The following KANSL1L variants were observed in gnomAD, a reference collection of about 807,000 sequenced individuals.
KANSL1L encodes the protein KAT8 regulatory NSL complex subunit 1 like.
Under a neutral mutation model 108.6 loss-of-function variants are expected in KANSL1L, and 25 were observed. The observed-to-expected ratio is 0.23, with a 90% CI of 0.17 to 0.32. The LOEUF is 0.32. Among genes scored for constraint, KANSL1L ranks in the 10% least tolerant of loss-of-function variants. The pLI is 1.00. For synonymous variants in KANSL1L, 405 were observed against 395.1 expected, an observed-to-expected ratio of 1.03 and a Z score of -0.30; for missense variants, 1,137 against 1,125.7, an observed-to-expected ratio of 1.01 and a Z score of -0.14.
chr2:210,071,012 G>A (rs2094504015), intron 6 of KANSL1L, among the ~76,000 whole-genome samples: 11 of 151,870 alleles, frequency 7.2e-5, no homozygotes, highest in Admixed American at 7.2e-4. Flanking sequence ...ACCAAAATTA[G>A]CCGGGTGTGG....
intron 5 of KANSL1L, among the ~76,000 whole-genome samples, chr2:210,093,964 AAG>A (rs2094714373): frequency 6.6e-6 from 1 of 152,206 alleles, no homozygotes; most frequent in Non-Finnish European, 1.5e-5. Context: ...TTTGTCACAA[AAG>A]GACAAACACT....
At chr2:210,059,956 T>C (rs2094401600) in intron 6 of KANSL1L, among the ~76,000 whole-genome samples, 1 of 152,164 alleles carries the variant, frequency 6.6e-6, no homozygotes, top group Admixed American at 6.5e-5. Flanking sequence ...TTAGCCAGGT[T>C]GGTCTCGAAT....
chr2:210,047,438 G>A (rs905010618), intron 6 of KANSL1L, among the ~76,000 whole-genome samples: 1 of 152,054 alleles, frequency 6.6e-6, no homozygotes, highest in African/African-American at 2.4e-5. Context: ...CAAGACACTA[G>A]AACATGAATA....
intron 5 of KANSL1L, 99 bp downstream of exon 5, chr2:210,097,987 A>G (rs2094754306): frequency 1.0e-5 from 10 of 1,003,950 alleles, no homozygotes. Context: ...TAATGTACAA[A>G]AAAAGTAGCT....
chr2:210,080,493 C>A (rs1451011055), intron 5 of KANSL1L, among the ~76,000 whole-genome samples: 1 of 152,080 alleles, frequency 6.6e-6, no homozygotes, highest in Non-Finnish European at 1.5e-5. Context: ...GAGTCTGAAT[C>A]CAGCCTGGGC....
At position 210,022,672 on chromosome 2, in the gene KANSL1L, G is replaced by GTGAT; in HGVS notation, c.*273_*276dup. 2.6e-6 allele frequency: 1 copy of GTGAT among 386,940 alleles called. No homozygotes were observed. The highest frequency in any genetic ancestry group is 4.8e-6 in the Non-Finnish European group (1 of 209,970). 24.0% of individuals were successfully genotyped at this position (386,940 alleles called of 1,614,324 possible). On this transcript the variant is annotated 3_prime_UTR_variant, in exon 15 of 15. Transcript: ENST00000281772. Reference sequence around the variant, plus strand: ...ATAGTCTTAAAAATTACCCAGTAATGTGATTTGACATCAAGTTGCAGCAAT... The same window carrying GTGAT: ...ATAGTCTTAAAAATTACCCAGTAATGTGATTGATTTGACATCAAGTTGCAGCAAT...
At chr2:210,168,155 T>C (rs941602151) in intron 1 of KANSL1L, among the ~76,000 whole-genome samples, 1 of 152,082 alleles carries the variant, frequency 6.6e-6, no homozygotes, top group East Asian at 1.9e-4. Context: ...GCTTTAAAAT[T>C]AGTAAATTAG....
chr2:210,116,563 G>C (rs1049182867), intron 3 of KANSL1L, among the ~76,000 whole-genome samples: 4 of 152,120 alleles, frequency 2.6e-5, no homozygotes, highest in African/African-American at 9.7e-5. Flanking sequence ...GTGTTTCCCT[G>C]GGGGAAAGTA....
intron 6 of KANSL1L, among the ~76,000 whole-genome samples, chr2:210,069,490 A>C (rs1415913168): frequency 1.3e-5 from 2 of 152,136 alleles, no homozygotes; most frequent in Non-Finnish European, 2.9e-5. Flanking sequence ...TTACATCAGC[A>C]CCTTACTTCC....
intron 2 of KANSL1L, among the ~76,000 whole-genome samples, chr2:210,133,137 C>G (rs993264390): frequency 3.9e-5 from 6 of 152,018 alleles, no homozygotes; most frequent in African/African-American, 1.4e-4. Context: ...TTCCAGGACC[C>G]CCTGAGGATA....
At chr2:210,036,356 A>AT (rs750668573) in intron 8 of KANSL1L, among the ~76,000 whole-genome samples, 21 of 151,664 alleles carry the variant, frequency 1.4e-4, no homozygotes, top group Non-Finnish European at 2.8e-4. Context: ...TAATTTTTAT[A>AT]TTTTTTGTAG....
intron 2 of KANSL1L, among the ~76,000 whole-genome samples, chr2:210,136,018 C>T (rs2095170819): frequency 6.6e-6 from 1 of 152,046 alleles, no homozygotes; most frequent in Non-Finnish European, 1.5e-5. Context: ...CAGTTGTGAC[C>T]TCTAGAAATT....
Position 210,154,590 on chromosome 2 carries a change from C to G in KANSL1L, c.-8G>C, listed in dbSNP as rs2095323145. 6.8e-7 allele frequency: 1 copy of G among 1,465,444 alleles called. No homozygotes were observed. Among genetic ancestry groups the G allele is most frequent in the African/African-American group, 1.4e-5 (1 of 70,578 alleles). The allele number at this position is 1,465,444 out of a possible 1,614,324, so 90.8% of individuals were successfully genotyped here. On this transcript the variant is annotated 5_prime_UTR_variant, in exon 2 of 15. Coordinates refer to ENST00000281772, the MANE Select transcript of KANSL1L (RefSeq NM_152519.4). ...CCTCAGAGCTGGGGTCATGGCGATT[C>G]CTGTAGATAAGTATTGGAAACCTAC...
intron 1 of KANSL1L, among the ~76,000 whole-genome samples, chr2:210,163,960 T>C (rs1348787035): frequency 6.6e-6 from 1 of 152,106 alleles, no homozygotes; most frequent in African/African-American, 2.4e-5. Context: ...GGAAGAAGGT[T>C]CATGAGATAT....
Position 210,086,452 on chromosome 2 carries a change from G to A in KANSL1L, c.1551-10696C>T, listed in dbSNP as rs184980069. Among the ~76,000 whole-genome samples the A allele has an allele frequency of 3.2e-3, 489 of 151,136 alleles. 2 individuals are homozygous for A. The highest frequency in any genetic ancestry group is 6.8e-3 in the Middle Eastern group (2 of 292). ...AATCTTCTTAGTTGCACAGTTCCTG[G>A]TGAGTCATCTGAGACCATACTGCCA... On this transcript the variant is annotated intron_variant, in intron 5 of 14. Transcript: ENST00000281772.
chr2:210,052,401 G>T (rs200329342), intron 6 of KANSL1L, among the ~76,000 whole-genome samples: 1 of 152,114 alleles, frequency 6.6e-6, no homozygotes, highest in East Asian at 1.9e-4. Context: ...TCTGTTCTTT[G>T]AATTATTAAT....
At chr2:210,138,096 G>T (rs530908493) in intron 2 of KANSL1L, among the ~76,000 whole-genome samples, 1 of 152,074 alleles carries the variant, frequency 6.6e-6, no homozygotes, top group African/African-American at 2.4e-5. Flanking sequence ...TGATAAAAAT[G>T]TGCATTTTGG....
intron 8 of KANSL1L, among the ~76,000 whole-genome samples, chr2:210,033,374 A>G (rs2094049327): frequency 6.6e-6 from 1 of 152,218 alleles, no homozygotes; most frequent in Non-Finnish European, 1.5e-5. Context: ...TGTGTGTGTT[A>G]AAACGTGTGT....
At chr2:210,033,256 AGAT>A (rs993046718) in intron 8 of KANSL1L, among the ~76,000 whole-genome samples, 4 of 152,254 alleles carry the variant, frequency 2.6e-5, no homozygotes, top group Non-Finnish European at 4.4e-5. Flanking sequence ...AATGCATCAC[AGAT>A]GATAATACCC....
Sources: gnomAD v4.1 joint callset for allele counts (sites outside exome capture counted in the v4.1 genomes callset) on GRCh38, gnomAD v4.1.1 for gene constraint, MANE v1.5 for transcripts, NCBI Gene and HGNC (gene_info 2026-07-23, HGNC 2026-07-21) for gene names.